Variants in SLC25A42 observed in about 807,000 individuals in gnomAD.
SLC25A42 encodes the protein solute carrier family 25 member 42.
A neutral mutation model predicts 34.7 loss-of-function variants in SLC25A42; 19 were observed. The observed-to-expected ratio is 0.55, with a 90% CI of 0.38 to 0.80. SLC25A42 has a LOEUF of 0.80. SLC25A42 is among the 30% of genes least tolerant of loss of function. SLC25A42 has a pLI of 0.00. For missense variants in SLC25A42, 364 were observed against 441.3 expected (o/e 0.82, Z 1.57); for synonymous variants, 205 against 191.2 (o/e 1.07, Z -0.59).
chr19:19,091,692 C>T (rs1164441723), intron 1 of SLC25A42, among the ~76,000 whole-genome samples: 1 of 152,054 alleles, frequency 6.6e-6, no homozygotes, highest in African/African-American at 2.4e-5. Context: ...GCCTGGGCAA[C>T]ATAAGGAGAC....
chr19:19,110,588 GCCCTAC>G lies in SLC25A42; in HGVS notation c.674_679del (p.Tyr225_Pro226del). On this transcript the variant is annotated inframe_deletion, in exon 8 of 8. Coordinates refer to ENST00000318596, the MANE Select transcript of SLC25A42 (RefSeq NM_178526.5). ...CTGCAGAGTACAGCGGCCGCCGGCA[GCCCTAC>G]CCCTTCGAGCGCATGATCTTCGGCG... 2.0e-6 allele frequency: 3 copies of G among 1,467,006 alleles called. No homozygotes were observed. The highest frequency in any genetic ancestry group is 2.7e-6 in the Non-Finnish European group (3 of 1,115,000). The allele number at this position is 1,467,006 out of a possible 1,614,324, so 90.9% of individuals were successfully genotyped here.
At chr19:19,108,314 G>T (rs1190344910) in intron 7 of SLC25A42, among the ~76,000 whole-genome samples, 2 of 152,232 alleles carry the variant, frequency 1.3e-5, no homozygotes, top group African/African-American at 4.8e-5. Flanking sequence ...GCTTTGGGAG[G>T]CCGAGGTGGG....
intron 7 of SLC25A42, among the ~76,000 whole-genome samples, chr19:19,108,862 G>C (rs1312389270): frequency 6.6e-6 from 1 of 152,080 alleles, no homozygotes; most frequent in Non-Finnish European, 1.5e-5. Flanking sequence ...GGGCTCAAGC[G>C]ATCCTCCTGC....
intron 4 of SLC25A42, 149 bp from the exon 5 acceptor site, chr19:19,105,412 C>T: frequency 1.1e-6 from 1 of 880,680 alleles, no homozygotes. Flanking sequence ...CGGGGTGGGG[C>T]CCTCACATGG....
At chr19:19,078,099 T>C (rs1255281081) in intron 1 of SLC25A42, among the ~76,000 whole-genome samples, 1 of 152,162 alleles carries the variant, frequency 6.6e-6, no homozygotes, top group African/African-American at 2.4e-5. Flanking sequence ...ATCATTGCCA[T>C]GATATGCTGC....
intron 1 of SLC25A42, among the ~76,000 whole-genome samples, chr19:19,094,373 G>GT (rs900589159): frequency 1.3e-5 from 2 of 152,000 alleles, no homozygotes; most frequent in Non-Finnish European, 2.9e-5. Context: ...GATGCTTTAT[G>GT]TTTTTTTCCA....
At chr19:19,075,299 C>T (rs1238810237) in intron 1 of SLC25A42, among the ~76,000 whole-genome samples, 1 of 152,164 alleles carries the variant, frequency 6.6e-6, no homozygotes, top group Non-Finnish European at 1.5e-5. Context: ...TTCACGTTTC[C>T]TGAATAATGC....
intron 1 of SLC25A42, among the ~76,000 whole-genome samples, chr19:19,088,437 A>C (rs948558939): frequency 4.0e-5 from 6 of 151,598 alleles, no homozygotes; most frequent in African/African-American, 1.2e-4. Context: ...CGATCTCCTG[A>C]CCTCGTGATC....
At chr19:19,105,118 T>G in intron 4 of SLC25A42, 180 bp downstream of exon 4, 1 of 725,316 alleles carries the variant, frequency 1.4e-6, no homozygotes, top group Non-Finnish European at 2.3e-6. Context: ...ATCCCGAGTG[T>G]CCTTCCGGCA....
At position 19,110,855 on chromosome 19, in the gene SLC25A42, G is replaced by C; in HGVS notation, c.936G>C (p.Leu312=). The change falls in exon 8 of 8, where the codon CTG becomes CTC. Residue 312 remains leucine, a synonymous_variant. Transcript: ENST00000318596. ...SFTTFDLMQI[L]LRHLQS is the part of the protein sequence containing the mutation. ...CCACCTTCGACCTCATGCAGATCCT[G>C]CTGCGGCACCTGCAGAGCTAGGGGA... 5.0e-6 allele frequency: 8 copies of C among 1,613,916 alleles called. No homozygotes were observed. Among genetic ancestry groups the C allele is most frequent in the Non-Finnish European group, 5.9e-6 (7 of 1,180,006 alleles).
rs765908069 is a variant in SLC25A42, at chr19:19,111,107, TCTTC to T, written c.*238_*241del. ...GGTGTGGGGGGTCCCGCAGCTCCCC[TCTTC>T]CTTCCTCTGCAGACGCTGGCGCTGT... On this transcript the variant is annotated 3_prime_UTR_variant, in exon 8 of 8. Transcript: ENST00000318596. 3.0e-4 allele frequency: 174 copies of T among 574,298 alleles called. No homozygotes were observed. Among genetic ancestry groups the T allele is most frequent in the Non-Finnish European group, 4.9e-4 (161 of 325,542 alleles). 35.6% of individuals were successfully genotyped at this position (574,298 alleles called of 1,614,324 possible). A position where few individuals can be genotyped will look rare whatever the true frequency, so the allele number is the denominator to read the frequency against.
intron 1 of SLC25A42, among the ~76,000 whole-genome samples, chr19:19,077,635 C>G (rs1447328002): frequency 2.6e-5 from 4 of 152,176 alleles, no homozygotes; most frequent in East Asian, 3.8e-4. Context: ...CACGTGTAAT[C>G]CCAGCGCTTT....
intron 2 of SLC25A42, among the ~76,000 whole-genome samples, chr19:19,100,293 G>T (rs2059788415): frequency 2.0e-5 from 3 of 152,096 alleles, no homozygotes; most frequent in Admixed American, 2.0e-4. Context: ...AGTGAGCTGA[G>T]ATCACACCAC....
At chr19:19,105,956 C>T in intron 5 of SLC25A42, 2 of 564,314 alleles carry the variant, frequency 3.5e-6, no homozygotes, top group Non-Finnish European at 6.3e-6. Flanking sequence ...GCCCGTTTGT[C>T]TCCAGACGTT....
chr19:19,101,849 G>A lies in SLC25A42; in HGVS notation c.150G>A (p.Ala50=), dbSNP rs56144126. Residue 50 remains alanine, a synonymous_variant, in exon 3 of 8, where the codon GCG becomes GCA. Coordinates refer to ENST00000318596, the MANE Select transcript of SLC25A42 (RefSeq NM_178526.5). ...TGGCTGGTGCCCTTGCCAAAACAGC[G>A]GTAGCTCCCCTGGACCGAACCAAAA... The part of the protein sequence containing the change: ...GALAGALAKT[A]VAPLDRTKII... The A allele has an allele frequency of 0.076, 122,919 of 1,613,452 alleles. 5,183 individuals carry two copies. Among genetic ancestry groups the A allele is most frequent in the Middle Eastern group, 0.098 (591 of 6,060 alleles).
intron 1 of SLC25A42, among the ~76,000 whole-genome samples, chr19:19,086,445 T>C (rs2059708907): frequency 6.6e-6 from 1 of 152,138 alleles, no homozygotes; most frequent in South Asian, 2.1e-4. Flanking sequence ...AGAGAAATTA[T>C]TAAGTTTCCT....
chr19:19,096,373 A>C lies in SLC25A42; in HGVS notation c.81+168A>C, dbSNP rs927290982. Among the ~76,000 whole-genome samples the C allele has an allele frequency of 1.3e-4, 20 of 151,510 alleles. 1 individual carries two copies. The highest frequency in any genetic ancestry group is 2.8e-4 in the Non-Finnish European group (19 of 67,944). Reference sequence around the variant, plus strand: ...GCCCATCACAAATCACCCTGTACCTAGGATGTGCATGTTGGTACCCCTTCC... The same window carrying C: ...GCCCATCACAAATCACCCTGTACCTCGGATGTGCATGTTGGTACCCCTTCC... On this transcript the variant is annotated intron_variant, in intron 2 of 7. Coordinates refer to ENST00000318596, the MANE Select transcript of SLC25A42 (RefSeq NM_178526.5).
chr19:19,085,408 G>A (rs913550400), intron 1 of SLC25A42, among the ~76,000 whole-genome samples: 46 of 149,758 alleles, frequency 3.1e-4, no homozygotes, highest in Non-Finnish European at 5.2e-4. Flanking sequence ...TGGAGAAGGA[G>A]TCTCGTTCTG....
intron 3 of SLC25A42, among the ~76,000 whole-genome samples, chr19:19,103,411 A>G (rs1394885082): frequency 6.6e-6 from 1 of 152,054 alleles, no homozygotes; most frequent in African/African-American, 2.4e-5. Context: ...CTCTTCTTAT[A>G]AGGACACCAA....
Sources: allele counts gnomAD v4.1 joint callset (sites outside exome capture counted in the v4.1 genomes callset), GRCh38; gene constraint gnomAD v4.1.1; transcripts MANE v1.5; gene names NCBI Gene and HGNC (gene_info 2026-07-23, HGNC 2026-07-21).